Variants in HIVEP3 observed in about 807,000 individuals in gnomAD.
The protein encoded by HIVEP3 is HIVEP zinc finger 3.
HIVEP3 carries 49 observed loss-of-function variants against 152.8 expected under a neutral mutation model. The ratio of observed to expected loss-of-function variants is 0.32; its 90% CI spans 0.26 to 0.41. The LOEUF (loss-of-function observed/expected upper bound fraction) is 0.41. Among genes scored for constraint, HIVEP3 ranks in the 10% least tolerant of loss-of-function variants. HIVEP3 has a pLI of 1.00. For missense variants in HIVEP3, 2,790 were observed against 3,103.3 expected (o/e 0.90, Z 2.40); for synonymous variants, 1,269 against 1,289.0 (o/e 0.98, Z 0.33).
intron 1 of HIVEP3, among the ~76,000 whole-genome samples, chr1:41,750,548 G>T (rs1169733100): frequency 2.0e-5 from 3 of 152,198 alleles, no homozygotes; most frequent in Non-Finnish European, 4.4e-5. Flanking sequence ...CGAGGCCATT[G>T]CTGCTGGACT....
Position 41,513,491 on chromosome 1 carries a change from C to T in HIVEP3, c.5730G>A (p.Thr1910=), listed in dbSNP as rs140035336. 6,166 of 1,609,044 alleles carry T rather than the reference C, an allele frequency of 3.8e-3. 37 individuals are homozygous for T. Among genetic ancestry groups the T allele is most frequent in the African/African-American group, 0.018 (1,312 of 74,968 alleles). The change falls in exon 8 of 9, where the codon ACG becomes ACA. Residue 1910 remains threonine, a synonymous_variant. Transcript: ENST00000372583. ...PQPPDAPASG[T]EATRGSSVSE... ...AGACCGAGCTGCCTCGTGTAGCCTC[C>T]GTGCCAGAGGCGGGGGCATCTGGGG...
intron 2 of HIVEP3, among the ~76,000 whole-genome samples, chr1:41,686,409 C>G (rs572497271): frequency 6.6e-6 from 1 of 152,248 alleles, no homozygotes; most frequent in African/African-American, 2.4e-5. Flanking sequence ...CTTAAGTAAT[C>G]TCCTCCAGAA....
At chr1:41,937,857 A>G (rs1645027321) in intron 1 of HIVEP3, among the ~76,000 whole-genome samples, 1 of 152,208 alleles carries the variant, frequency 6.6e-6, no homozygotes, top group South Asian at 2.1e-4. Flanking sequence ...CATGCCATAC[A>G]TTCAAGACTG....
intron 1 of HIVEP3, among the ~76,000 whole-genome samples, chr1:41,898,861 C>T (rs1186699558): frequency 2.0e-5 from 3 of 152,212 alleles, no homozygotes; most frequent in African/African-American, 7.2e-5. Flanking sequence ...CGCTGGTTCC[C>T]AGGCTAGAAG....
chr1:41,613,525 A>C (rs995894447), intron 3 of HIVEP3, among the ~76,000 whole-genome samples: 2 of 152,248 alleles, frequency 1.3e-5, no homozygotes, highest in Non-Finnish European at 2.9e-5. Flanking sequence ...GAATGAACAA[A>C]GTTAAAATTG....
intron 1 of HIVEP3, among the ~76,000 whole-genome samples, chr1:41,892,821 G>A (rs1644466917): frequency 6.6e-6 from 1 of 152,148 alleles, no homozygotes; most frequent in African/African-American, 2.4e-5. Flanking sequence ...AAAGAAAACA[G>A]CTCAAAAAAC....
intron 2 of HIVEP3, among the ~76,000 whole-genome samples, chr1:41,643,463 G>A (rs890081838): frequency 7.9e-5 from 12 of 152,246 alleles, no homozygotes; most frequent in Non-Finnish European, 1.6e-4. Context: ...CTGAACAGAC[G>A]AGTGCATGAA....
intron 1 of HIVEP3, among the ~76,000 whole-genome samples, chr1:41,994,907 A>G (rs1202724837): frequency 6.6e-6 from 1 of 152,178 alleles, no homozygotes; most frequent in Non-Finnish European, 1.5e-5. Flanking sequence ...AAAAGAAAAA[A>G]AAGGATCAAT....
At chr1:41,546,387 G>A (rs528703670) in intron 5 of HIVEP3, among the ~76,000 whole-genome samples, 4 of 152,240 alleles carry the variant, frequency 2.6e-5, no homozygotes, top group Non-Finnish European at 5.9e-5. Context: ...AAAGCAAGGA[G>A]TGCTCTTCTC....
At chr1:41,612,074 C>G (rs1044879733) in intron 3 of HIVEP3, among the ~76,000 whole-genome samples, 4 of 152,118 alleles carry the variant, frequency 2.6e-5, no homozygotes, top group Admixed American at 6.5e-5. Context: ...CCCGCCTCCC[C>G]ACCTTCCTCC....
At chr1:41,655,343 G>A (rs369421381) in intron 2 of HIVEP3, among the ~76,000 whole-genome samples, 10 of 152,034 alleles carry the variant, frequency 6.6e-5, no homozygotes, top group East Asian at 3.9e-4. Context: ...AGCACTTTGG[G>A]AGGCCGAGGT....
In HIVEP3 at chr1:41,641,354, G is replaced by A. The variant is rs544970723; in HGVS notation, c.-720-12407C>T. On this transcript the variant is annotated intron_variant, in intron 2 of 8. Transcript: ENST00000372583. ...ACGACAGCTGCCCCCTTAGCTAAGA[G>A]GGGAAGCCTGGTGACCCAGGGTCCT... is the stretch of plus-strand genomic sequence containing the variant. 5.3e-4 allele frequency among the ~76,000 whole-genome samples: 81 copies of A among 152,338 alleles called. No individual in the cohort carries two copies. In the South Asian group the frequency reaches 0.016, roughly 31 times the overall value.
chr1:41,544,811 TAC>T (rs1643651485), intron 5 of HIVEP3, among the ~76,000 whole-genome samples: 1 of 30,464 alleles, frequency 3.3e-5, no homozygotes, highest in Non-Finnish European at 6.1e-5. Context: ...CCACCACCAC[TAC>T]CACCTCTACC....
At chr1:41,544,811 T>C (rs867439734) in intron 5 of HIVEP3, among the ~76,000 whole-genome samples, 218 of 30,326 alleles carry the variant, frequency 7.2e-3, no homozygotes, top group East Asian at 0.048. Flanking sequence ...CCACCACCAC[T>C]ACCACCTCTA....
chr1:41,906,717 G>A (rs1425736509), intron 1 of HIVEP3, among the ~76,000 whole-genome samples: 1 of 152,156 alleles, frequency 6.6e-6, no homozygotes, highest in Non-Finnish European at 1.5e-5. Context: ...ATTTTAACAA[G>A]AGACTTGATG....
chr1:41,865,727 C>T (rs1317620828), intron 1 of HIVEP3: 1 of 152,124 alleles, frequency 6.6e-6, no homozygotes, highest in Non-Finnish European at 1.5e-5. Context: ...TTTATAGGAA[C>T]TTATATTTGC....
intron 1 of HIVEP3, among the ~76,000 whole-genome samples, chr1:41,702,096 T>C (rs1475997466): frequency 6.6e-6 from 1 of 152,068 alleles, no homozygotes; most frequent in Admixed American, 6.6e-5. Flanking sequence ...TGGAAAGTTG[T>C]TACGAGGAGT....
intron 1 of HIVEP3, among the ~76,000 whole-genome samples, chr1:41,887,345 C>T (rs1435983780): frequency 3.3e-5 from 5 of 152,124 alleles, no homozygotes; most frequent in African/African-American, 1.2e-4. Context: ...TAAATATTCA[C>T]CATGGTACCT....
intron 1 of HIVEP3, among the ~76,000 whole-genome samples, chr1:41,973,065 CACACACACA>C (rs1326396991): frequency 2.0e-5 from 3 of 152,036 alleles, no homozygotes; most frequent in African/African-American, 7.3e-5. Flanking sequence ...CACACACACA[CACACACACA>C]ATTATGAAAG....
Sources: allele counts gnomAD v4.1 joint callset (sites outside exome capture counted in the v4.1 genomes callset), GRCh38; gene constraint gnomAD v4.1.1; transcripts MANE v1.5; gene names NCBI Gene and HGNC (gene_info 2026-07-23, HGNC 2026-07-21).